The following KLF3 variants were observed in gnomAD, a reference collection of about 807,000 sequenced individuals.
The protein encoded by KLF3 is KLF transcription factor 3.
A neutral mutation model predicts 32.7 loss-of-function variants in KLF3; 6 were observed. The ratio of observed to expected loss-of-function variants is 0.18; its 90% confidence interval spans 0.10 to 0.36. The LOEUF is 0.36. KLF3 is among the 10% of genes least tolerant of loss of function. KLF3 has a pLI of 1.00. For missense variants in KLF3, 338 were observed against 449.7 expected, an observed-to-expected ratio of 0.75 and a Z score of 2.25; for synonymous variants, 145 against 172.8, an observed-to-expected ratio of 0.84 and a Z score of 1.26.
intron 1 of KLF3, 115 bp downstream of exon 1, chr4:38,664,576 T>G (rs1721938823): frequency 6.7e-6 from 1 of 148,484 alleles, no homozygotes; most frequent in Non-Finnish European, 1.5e-5. Context: ...GGGTCGGGGG[T>G]GCAGCGCTGG....
At chr4:38,685,316 T>G (rs537157075) in intron 2 of KLF3, among the ~76,000 whole-genome samples, 75 of 152,304 alleles carry the variant, frequency 4.9e-4, no homozygotes, top group Middle Eastern at 3.4e-3. Context: ...AACAGTTAAT[T>G]ATCTGCCCAG....
In KLF3 at chr4:38,697,515, A is replaced by C; in HGVS notation, c.*252A>C. 2.6e-6 allele frequency: 1 copy of C among 385,764 alleles called. No homozygotes were observed. Among genetic ancestry groups the C allele is most frequent in the Non-Finnish European group, 4.6e-6 (1 of 215,428 alleles). The allele number at this position is 385,764 out of a possible 1,614,324, so 23.9% of individuals were successfully genotyped here. On this transcript the variant is annotated 3_prime_UTR_variant, in exon 6 of 6. Transcript: ENST00000261438. Reference sequence around the variant, plus strand: ...TTTTTTTTCTGGGGATGCTAAGCAAACCCTTCTTACAGATACGTTTAATGT... The same window carrying C: ...TTTTTTTTCTGGGGATGCTAAGCAACCCCTTCTTACAGATACGTTTAATGT...
Position 38,674,854 on chromosome 4 carries a change from G to A in KLF3, c.-39-5733G>A, listed in dbSNP as rs1722296158. On this transcript the variant is annotated intron_variant, in intron 1 of 5. Transcript: ENST00000261438. The surrounding 1 kb of genome is among the most constrained non-coding windows in gnomAD (Gnocchi z 4.1). ...CTCCCTCAGGAAGGGGCAGGCAGTT[G>A]TCTGTAAGGTCGTTTCTGTAATAAA... 6.6e-6 allele frequency among the ~76,000 whole-genome samples: 1 copy of A among 152,184 alleles called. No homozygotes were observed. The highest frequency in any genetic ancestry group is 2.1e-4 in the South Asian group (1 of 4,838).
intron 2 of KLF3, among the ~76,000 whole-genome samples, chr4:38,685,668 C>G (rs1722671319): frequency 6.6e-6 from 1 of 152,148 alleles, no homozygotes; most frequent in Non-Finnish European, 1.5e-5. Context: ...AAATCTAGGT[C>G]ATAGGGAGGT....
At position 38,682,646 on chromosome 4, in the gene KLF3, C is replaced by T. The variant is rs561616240; in HGVS notation, c.57+1964C>T. Among the ~76,000 whole-genome samples the T allele has an allele frequency of 1.8e-4, 27 of 151,908 alleles. No individual in the cohort carries two copies. In the East Asian group the frequency reaches 5.0e-3, roughly 28 times the overall value. On this transcript the variant is annotated intron_variant, in intron 2 of 5. Transcript: ENST00000261438. Reference sequence around the variant, plus strand: ...TCTAATATAAAGCTAAAATGAAGATCCACATTGCTAAATTGGTGTGATATA... The same window carrying T: ...TCTAATATAAAGCTAAAATGAAGATTCACATTGCTAAATTGGTGTGATATA...
chr4:38,689,639 T>C (rs1579129811), intron 3 of KLF3, 90 bp from the exon 4 acceptor site: 1 of 892,124 alleles, frequency 1.1e-6, no homozygotes, highest in East Asian at 2.5e-5. Flanking sequence ...CTGTCATATC[T>C]GTGTTGTAGG....
chr4:38,693,014 T>C (rs1276307009), intron 4 of KLF3, among the ~76,000 whole-genome samples: 1 of 149,796 alleles, frequency 6.7e-6, no homozygotes, highest in East Asian at 1.9e-4. Context: ...AAACTCTGTC[T>C]GTAAACCTCT....
At chr4:38,667,923 C>T (rs1454810345) in intron 1 of KLF3, among the ~76,000 whole-genome samples, 2 of 152,074 alleles carry the variant, frequency 1.3e-5, no homozygotes, top group Admixed American at 1.3e-4. Flanking sequence ...GAGAAAATCC[C>T]GGGATTATTT....
Position 38,685,906 on chromosome 4 carries a change from GTGT to G in KLF3, c.58-2674_58-2672del, listed in dbSNP as rs59568213. On this transcript the variant is annotated intron_variant, in intron 2 of 5. Coordinates refer to ENST00000261438, the MANE Select transcript of KLF3 (RefSeq NM_016531.6). ...TGATTTATAATGGATTTATTTTGTT[GTGT>G]TGTTAATGAACCTTGTGCCTCTTTT... Among the ~76,000 whole-genome samples the G allele has an allele frequency of 3.0e-3, 455 of 152,238 alleles. 2 individuals carry two copies. The highest frequency in any genetic ancestry group is 0.01 in the African/African-American group (419 of 41,548).
chr4:38,687,376 A>C (rs1259241158), intron 2 of KLF3, among the ~76,000 whole-genome samples: 1 of 152,232 alleles, frequency 6.6e-6, no homozygotes, highest in Non-Finnish European at 1.5e-5. Context: ...ACAAAATGTT[A>C]GTTAAGGAAT....
At position 38,696,186 on chromosome 4, in the gene KLF3, GAAAAA is replaced by G. The variant is rs57996051; in HGVS notation, c.857-878_857-874del. The stretch of plus-strand genomic sequence containing the variant: ...TATTTGGGTGACAGTTTAGATGTAG[GAAAAA>G]AAAAAAAAAAAAAAAAACGCCTCTT... On this transcript the variant is annotated intron_variant, in intron 5 of 5. Coordinates refer to ENST00000261438, the MANE Select transcript of KLF3 (RefSeq NM_016531.6). 5.6e-4 allele frequency among the ~76,000 whole-genome samples: 56 copies of G among 99,258 alleles called. No homozygotes were observed. In the East Asian group the frequency reaches 7.6e-3, roughly 13 times the overall value. 65.1% of individuals were successfully genotyped at this position (99,258 alleles called of 152,430 possible). A position where few individuals can be genotyped will look rare whatever the true frequency, so the allele number is the denominator to read the frequency against.
At chr4:38,669,929 C>T (rs1394324783) in intron 1 of KLF3, among the ~76,000 whole-genome samples, 2 of 89,014 alleles carry the variant, frequency 2.2e-5, no homozygotes, top group East Asian at 3.0e-4. Context: ...AAAAAGATGT[C>T]CTCTTAACTG....
chr4:38,676,847 A>T, intron 1 of KLF3, among the ~76,000 whole-genome samples: 1 of 152,026 alleles, frequency 6.6e-6, no homozygotes, highest in Non-Finnish European at 1.5e-5. Flanking sequence ...TAATGAGAAC[A>T]TCCCTTCATC....
At chr4:38,694,467 C>G (rs991241470) in intron 4 of KLF3, among the ~76,000 whole-genome samples, 1 of 152,124 alleles carries the variant, frequency 6.6e-6, no homozygotes, top group Non-Finnish European at 1.5e-5. Context: ...TGTCTGTCTC[C>G]CCCTAGAGTG....
intron 4 of KLF3, 143 bp from the exon 5 acceptor site, chr4:38,694,602 GT>G: frequency 1.4e-6 from 1 of 715,770 alleles, no homozygotes; most frequent in Admixed American, 2.9e-5. Flanking sequence ...TGCTTCTTGG[GT>G]TGATCAGCTA....
intron 1 of KLF3, among the ~76,000 whole-genome samples, chr4:38,675,597 A>T (rs1266064162): frequency 6.6e-6 from 1 of 152,178 alleles, no homozygotes. Context: ...TACCCACATA[A>T]AATGATTAAT....
intron 1 of KLF3, among the ~76,000 whole-genome samples, chr4:38,666,479 C>G (rs79179530): frequency 0.011 from 1,601 of 150,036 alleles, 73 homozygotes; most frequent in East Asian, 0.077. Flanking sequence ...TCCTGGCTAA[C>G]AAAGTAAAGA....
chr4:38,664,738 G>C (rs1380805360), intron 1 of KLF3: 1 of 148,078 alleles, frequency 6.8e-6, no homozygotes, highest in Non-Finnish European at 1.5e-5. Flanking sequence ...GGGTGCGGGG[G>C]AGCGGGGCTG....
At chr4:38,669,844 G>C (rs972011202) in intron 1 of KLF3, among the ~76,000 whole-genome samples, 18 of 123,138 alleles carry the variant, frequency 1.5e-4, no homozygotes, top group African/African-American at 2.1e-4. Flanking sequence ...AGTGAGCCGA[G>C]ATTGTGCCAC....
Sources: allele counts gnomAD v4.1 joint callset (sites outside exome capture counted in the v4.1 genomes callset), GRCh38; gene constraint gnomAD v4.1.1; non-coding constraint Gnocchi (gnomAD v3.1); transcripts MANE v1.5; gene names NCBI Gene and HGNC (gene_info 2026-07-23, HGNC 2026-07-21).